Variants in MMP16 observed in about 807,000 individuals in gnomAD.
MMP16 encodes matrix metallopeptidase 16, also known as matrix metalloproteinase-16.
In MMP16, 12 loss-of-function variants were observed where a neutral mutation model predicts 67.8. The observed-to-expected ratio is 0.18, with a 90% CI of 0.11 to 0.29. MMP16 has a LOEUF of 0.29. Among genes scored for constraint, MMP16 ranks in the 10% least tolerant of loss-of-function variants. MMP16 has a pLI of 1.00. For missense variants in MMP16, 475 were observed against 765.7 expected, an observed-to-expected ratio of 0.62 and a Z score of 4.48; for synonymous variants, 249 against 255.9, an observed-to-expected ratio of 0.97 and a Z score of 0.26.
At chr8:88,165,395 T>C (rs753289153) in intron 4 of MMP16, among the ~76,000 whole-genome samples, 2 of 151,958 alleles carry the variant, frequency 1.3e-5, no homozygotes, top group Non-Finnish European at 2.9e-5. Context: ...AGATTTACAA[T>C]TGTTTTAATG....
At chr8:88,294,258 A>G (rs1563586771) in intron 1 of MMP16, among the ~76,000 whole-genome samples, 1 of 150,030 alleles carries the variant, frequency 6.7e-6, no homozygotes, top group East Asian at 1.9e-4. Flanking sequence ...ATATATAGAC[A>G]TGTGTGTATA....
chr8:88,221,286 ACTC>A (rs1809678565), intron 1 of MMP16, among the ~76,000 whole-genome samples: 1 of 151,750 alleles, frequency 6.6e-6, no homozygotes, highest in Non-Finnish European at 1.5e-5. Context: ...CCAAAAGAAA[ACTC>A]CTTATAAATG....
intron 3 of MMP16, among the ~76,000 whole-genome samples, chr8:88,174,034 T>C (rs960744737): frequency 6.6e-6 from 1 of 152,160 alleles, no homozygotes; most frequent in African/African-American, 2.4e-5. Flanking sequence ...ATGAAAAATG[T>C]TTCTGTGTAG....
intron 6 of MMP16, among the ~76,000 whole-genome samples, chr8:88,088,359 T>G (rs1586144674): frequency 6.6e-6 from 1 of 151,046 alleles, no homozygotes; most frequent in Non-Finnish European, 1.5e-5. Flanking sequence ...GGCAGGGGGG[T>G]TTGCCCAGGA....
chr8:88,300,656 GAAAAAAAT>G (rs757222301), intron 1 of MMP16, among the ~76,000 whole-genome samples: 15 of 152,082 alleles, frequency 9.9e-5, no homozygotes, highest in Non-Finnish European at 1.8e-4. Flanking sequence ...TGTACGTACA[GAAAAAAAT>G]ATATATGTAG....
At chr8:88,291,834 T>G (rs2130019942) in intron 1 of MMP16, among the ~76,000 whole-genome samples, 1 of 152,312 alleles carries the variant, frequency 6.6e-6, no homozygotes. Context: ...GATAGGTTTT[T>G]TAAACATAAA....
At chr8:88,079,300 T>TGA (rs1808706144) in intron 6 of MMP16, among the ~76,000 whole-genome samples, 1 of 152,164 alleles carries the variant, frequency 6.6e-6, no homozygotes, top group Non-Finnish European at 1.5e-5. Flanking sequence ...TAAGGTATTT[T>TGA]GAGAGAGAGA....
intron 4 of MMP16, among the ~76,000 whole-genome samples, chr8:88,154,610 C>T (rs1174609202): frequency 2.0e-5 from 3 of 151,102 alleles, no homozygotes; most frequent in African/African-American, 7.3e-5. Flanking sequence ...AGTTAACTAT[C>T]GCAAGAACAA....
chr8:88,280,478 G>A (rs1344670338), intron 1 of MMP16, among the ~76,000 whole-genome samples: 1 of 152,268 alleles, frequency 6.6e-6, no homozygotes. Context: ...TTTTTGAAAG[G>A]AATGATTCTG....
intron 1 of MMP16, among the ~76,000 whole-genome samples, chr8:88,259,901 T>C (rs1045900530): frequency 3.3e-5 from 5 of 152,196 alleles, no homozygotes; most frequent in Non-Finnish European, 5.9e-5. Context: ...AAGCGTTCAG[T>C]CTGGTAAACT....
chr8:88,220,298 T>C (rs995067312), intron 1 of MMP16, among the ~76,000 whole-genome samples: 1 of 152,174 alleles, frequency 6.6e-6, no homozygotes, highest in African/African-American at 2.4e-5. Flanking sequence ...TGTGTTTTGT[T>C]ATGACTTTTA....
Position 88,046,760 on chromosome 8 carries a change from C to T in MMP16, c.1398G>A (p.Met466Ile). The change falls in exon 9 of 10, where the codon ATG becomes ATA. Residue 466 changes from methionine to isoleucine, a missense_variant. Physicochemically the swap from Met to Ile is conservative, Grantham distance 10. Around this residue, in one of 5 missense-constraint regions of MMP16, gnomAD observed 195 missense variants for 300.9 expected, o/e 0.65. Transcript: ENST00000286614. ...TGGGATAGCCAGGGTCCATTGTTTTCATTTCTTCACTATATCTCCAATATC... is the reference window on the plus strand; with the variant it reads ...TGGGATAGCCAGGGTCCATTGTTTTTATTTCTTCACTATATCTCCAATATC... ...GDRYWRYSEE[M>I]KTMDPGYPKP... The T allele has an allele frequency of 6.2e-7, 1 of 1,607,780 alleles. No individual in the cohort carries two copies. The highest frequency in any genetic ancestry group is 8.5e-7 in the Non-Finnish European group (1 of 1,177,644).
intron 6 of MMP16, among the ~76,000 whole-genome samples, chr8:88,113,864 A>G (rs2118420697): frequency 6.6e-6 from 1 of 152,018 alleles, no homozygotes; most frequent in East Asian, 1.9e-4. Flanking sequence ...AATAATATCT[A>G]GCCTACAGTA....
At chr8:88,264,009 T>TGC (rs1491073746) in intron 1 of MMP16, among the ~76,000 whole-genome samples, 1 of 135,184 alleles carries the variant, frequency 7.4e-6, no homozygotes, top group African/African-American at 2.7e-5. Flanking sequence ...TGTGTGTGTG[T>TGC]GCAACTTCCC....
At chr8:88,061,125 TATACACACACACAC>T (rs1230526249) in intron 7 of MMP16, among the ~76,000 whole-genome samples, 19 of 116,640 alleles carry the variant, frequency 1.6e-4, no homozygotes, top group Non-Finnish European at 2.9e-4. Context: ...ATCTGAATAT[TATACACACACACAC>T]ACACACACAC....
chr8:88,270,661 T>A (rs572498500), intron 1 of MMP16, among the ~76,000 whole-genome samples: 3 of 152,190 alleles, frequency 2.0e-5, no homozygotes, highest in African/African-American at 4.8e-5. Flanking sequence ...TATAAAGTCT[T>A]TGGCACAAAA....
At chr8:88,309,011 G>C (rs192562170) in intron 1 of MMP16, among the ~76,000 whole-genome samples, 14 of 152,036 alleles carry the variant, frequency 9.2e-5, no homozygotes, top group Admixed American at 7.9e-4. Flanking sequence ...CAGCAGATTA[G>C]GAAAAACTTA....
At chr8:88,192,928 A>G (rs970191636) in intron 2 of MMP16, among the ~76,000 whole-genome samples, 2 of 152,166 alleles carry the variant, frequency 1.3e-5, no homozygotes, top group Admixed American at 1.3e-4. Context: ...GCATCTGAAG[A>G]AAGAGAAATC....
chr8:88,049,538 T>G (rs1808243187), intron 8 of MMP16, among the ~76,000 whole-genome samples: 1 of 152,200 alleles, frequency 6.6e-6, no homozygotes, highest in Non-Finnish European at 1.5e-5. Context: ...ACCTATTTCA[T>G]GGATCCTAAG....
Sources: allele counts gnomAD v4.1 joint callset (sites outside exome capture counted in the v4.1 genomes callset), GRCh38; gene constraint gnomAD v4.1.1; regional missense constraint gnomAD v4.1.1; transcripts MANE v1.5; gene names NCBI Gene and HGNC (gene_info 2026-07-23, HGNC 2026-07-21).